Variants in WDR7 observed in about 807,000 individuals in gnomAD.
The protein encoded by WDR7 is WD repeat domain 7.
In WDR7, 46 loss-of-function variants were observed where a neutral mutation model predicts 169.4. That is an observed-to-expected ratio of 0.27 (90% CI 0.21 to 0.35). WDR7 has a LOEUF of 0.35. WDR7 is among the 10% of genes least tolerant of loss of function. WDR7 has a pLI of 1.00. For missense variants in WDR7, 1,534 were observed against 1,859.3 expected (o/e 0.83, Z 3.22); for synonymous variants, 612 against 666.8 (o/e 0.92, Z 1.27).
intron 19 of WDR7, among the ~76,000 whole-genome samples, chr18:56,809,997 ACAG>A (rs1250548849): frequency 2.6e-5 from 4 of 152,088 alleles, no homozygotes; most frequent in Non-Finnish European, 4.4e-5. Flanking sequence ...TTTGCCTTTT[ACAG>A]AAAGTCTACT....
At chr18:56,912,234 G>A (rs1401317552) in intron 21 of WDR7, among the ~76,000 whole-genome samples, 1 of 152,184 alleles carries the variant, frequency 6.6e-6, no homozygotes, top group African/African-American at 2.4e-5. Context: ...CCCAGAGGAG[G>A]CTGATAGAAG....
intron 3 of WDR7, among the ~76,000 whole-genome samples, chr18:56,680,335 G>A (rs879675174): frequency 5.9e-5 from 9 of 152,162 alleles, no homozygotes; most frequent in Admixed American, 5.9e-4. Context: ...TCCAGCCTGG[G>A]TGACACAGTG....
intron 21 of WDR7, among the ~76,000 whole-genome samples, chr18:56,885,375 A>C (rs959061074): frequency 2.0e-5 from 3 of 152,122 alleles, no homozygotes; most frequent in African/African-American, 7.2e-5. Flanking sequence ...AACTTAATGA[A>C]ATCAAAAAAA....
At chr18:56,692,515 G>A (rs953841540) in intron 9 of WDR7, among the ~76,000 whole-genome samples, 1 of 149,334 alleles carries the variant, frequency 6.7e-6, no homozygotes, top group African/African-American at 2.5e-5. Flanking sequence ...ACGTTTATGT[G>A]GCCGGGTGGC....
At chr18:56,818,787 C>G (rs2145226440) in intron 20 of WDR7, among the ~76,000 whole-genome samples, 1 of 151,174 alleles carries the variant, frequency 6.6e-6, no homozygotes, top group East Asian at 1.9e-4. Flanking sequence ...TTTGGGGTAA[C>G]TAGTGTTGTA....
intron 23 of WDR7, among the ~76,000 whole-genome samples, chr18:56,937,490 C>T (rs1024885114): frequency 1.3e-5 from 2 of 152,200 alleles, no homozygotes; most frequent in African/African-American, 4.8e-5. Context: ...ATTATTATCT[C>T]TGACCTCTAC....
intron 26 of WDR7, among the ~76,000 whole-genome samples, chr18:56,997,561 A>G (rs1288861011): frequency 1.3e-5 from 2 of 152,220 alleles, no homozygotes; most frequent in East Asian, 3.8e-4. Flanking sequence ...TTGTCAACCA[A>G]AGGAGGTAGG....
intron 1 of WDR7, among the ~76,000 whole-genome samples, chr18:56,659,291 A>G (rs1467862955): frequency 1.3e-5 from 2 of 152,230 alleles, no homozygotes; most frequent in Non-Finnish European, 2.9e-5. Context: ...GAAATCCAAA[A>G]CATATAAAAT....
chr18:56,699,659 A>C (rs1471028538), intron 12 of WDR7: 1 of 184,322 alleles, frequency 5.4e-6, no homozygotes, highest in Non-Finnish European at 1.0e-5. Flanking sequence ...AATTACTTTA[A>C]CTGTGAATAA....
intron 21 of WDR7, among the ~76,000 whole-genome samples, chr18:56,907,506 C>A (rs986227403): frequency 6.6e-6 from 1 of 152,088 alleles, no homozygotes; most frequent in Non-Finnish European, 1.5e-5. Context: ...GTTTGATTTT[C>A]TGATCTGCCT....
intron 22 of WDR7, among the ~76,000 whole-genome samples, chr18:56,934,223 A>G (rs1166787365): frequency 6.6e-6 from 1 of 152,208 alleles, no homozygotes; most frequent in Non-Finnish European, 1.5e-5. Context: ...TCTGAATTTT[A>G]CAATAAGTAT....
intron 1 of WDR7, among the ~76,000 whole-genome samples, chr18:56,671,340 G>A (rs1407122358): frequency 1.3e-5 from 2 of 148,350 alleles, no homozygotes; most frequent in Non-Finnish European, 3.0e-5. Flanking sequence ...TCAGGCTGGA[G>A]TGCAATGGTG....
At chr18:56,733,296 G>C (rs562250829) in intron 14 of WDR7, among the ~76,000 whole-genome samples, 35 of 152,132 alleles carry the variant, frequency 2.3e-4, no homozygotes, top group Non-Finnish European at 4.3e-4. Flanking sequence ...ATGTATGTTG[G>C]CTGGACCATT....
At chr18:56,757,382 T>C (rs754723033) in intron 15 of WDR7, 30 bp downstream of exon 15, 13 of 1,506,266 alleles carry the variant, frequency 8.6e-6, no homozygotes, top group Middle Eastern at 3.5e-4. Flanking sequence ...ATTTTATTCT[T>C]AAGTTTCAAA....
chr18:56,708,529 A>G (rs1226156276), intron 12 of WDR7, among the ~76,000 whole-genome samples: 1 of 152,198 alleles, frequency 6.6e-6, no homozygotes, highest in African/African-American at 2.4e-5. Context: ...CAGAAGGTCT[A>G]ACTCCCTGAA....
chr18:56,864,934 A>G (rs2045860113), intron 20 of WDR7, among the ~76,000 whole-genome samples: 1 of 152,004 alleles, frequency 6.6e-6, no homozygotes, highest in Non-Finnish European at 1.5e-5. Flanking sequence ...TTAACCAGGA[A>G]AGAGTTGATT....
At chr18:56,806,535 A>G (rs147091508) in intron 19 of WDR7, among the ~76,000 whole-genome samples, 191 of 152,244 alleles carry the variant, frequency 1.3e-3, no homozygotes, top group Non-Finnish European at 2.3e-3. Flanking sequence ...TGGCACTTCT[A>G]AGGAAGTACT....
chr18:56,756,971 A>G lies in WDR7; in HGVS notation c.2378A>G (p.Tyr793Cys). The G allele has an allele frequency of 1.9e-6, 3 of 1,614,144 alleles. No individual in the cohort carries two copies. The highest frequency in any genetic ancestry group is 2.5e-6 in the Non-Finnish European group (3 of 1,180,024). The change falls in exon 15 of 28, where the codon TAT becomes TGT. Residue 793 changes from tyrosine to cysteine, a missense_variant. Coordinates refer to ENST00000254442, the MANE Select transcript of WDR7 (RefSeq NM_015285.3). ...SKSKPLTLLEYNLTMDTAKLF... is the reference protein window; with the variant it reads ...SKSKPLTLLECNLTMDTAKLF... Reference sequence around the variant, plus strand: ...TCAAAGCCATTGACCCTATTAGAATATAATTTAACTATGGACACTGCAAAG... The same window carrying G: ...TCAAAGCCATTGACCCTATTAGAATGTAATTTAACTATGGACACTGCAAAG...
chr18:56,710,477 G>T (rs934825823), intron 12 of WDR7, among the ~76,000 whole-genome samples: 1 of 152,092 alleles, frequency 6.6e-6, no homozygotes, highest in Admixed American at 6.5e-5. Context: ...ATTACATTGT[G>T]TGAGCATACC....
Sources: gnomAD v4.1 joint callset for allele counts (sites outside exome capture counted in the v4.1 genomes callset) on GRCh38, gnomAD v4.1.1 for gene constraint, MANE v1.5 for transcripts, NCBI Gene and HGNC (gene_info 2026-07-23, HGNC 2026-07-21) for gene names.